CFAP57: variants seen among roughly 807,000 people sequenced by gnomAD.
CFAP57 encodes cilia and flagella associated protein 57.
CFAP57 carries 116 observed loss-of-function variants against 146.8 expected under a neutral mutation model. That is an observed-to-expected ratio of 0.79 (90% CI 0.68 to 0.92). CFAP57 has a LOEUF of 0.92. Ranked by LOEUF, CFAP57 falls within the 40% of genes least tolerant of loss-of-function variation. The probability of loss-of-function intolerance (pLI) is 0.00; values close to 1 mark genes in which losing one functional copy is unlikely to be tolerated. For missense variants in CFAP57, 1,377 were observed against 1,527.2 expected (o/e 0.90, Z 1.64); for synonymous variants, 518 against 552.8 (o/e 0.94, Z 0.88).
At chr1:43,204,039 G>A (rs1644248509) in intron 9 of CFAP57, among the ~76,000 whole-genome samples, 1 of 152,124 alleles carries the variant, frequency 6.6e-6, no homozygotes, top group Non-Finnish European at 1.5e-5. Flanking sequence ...CTTGATTAGT[G>A]TTTCTCTCTG....
chr1:43,209,830 G>T lies in CFAP57; in HGVS notation c.1843G>T (p.Val615Leu). The change falls in exon 11 of 23, where the codon GTG (valine) becomes TTG (leucine). Residue 615 changes from valine (V) to leucine (L), a missense_variant. Transcript: ENST00000372492. ...ACGCATGATGTTTGTGGGCACCTCG[G>T]TGGGAACCATTCGTGCCATGAAGTA... ...SGRMMFVGTSVGTIRAMKYPL... is the reference protein window; with the variant it reads ...SGRMMFVGTSLGTIRAMKYPL... 1 of 1,614,180 alleles carries T rather than the reference G, an allele frequency of 6.2e-7. No homozygotes were observed. Among genetic ancestry groups the T allele is most frequent in the Non-Finnish European group, 8.5e-7 (1 of 1,180,044 alleles).
In CFAP57 at chr1:43,186,838, G is replaced by A; in HGVS notation, c.1101G>A (p.Met367Ile). ...TSKNQLYSIT[M>I]SLTEISKGEP... ...AGAACCAACTCTACAGCATCACCAT[G>A]TCCCTGACAGAGATCAGCAAGGTGA... The change falls in exon 6 of 23, where the codon ATG becomes ATA. Residue 367 changes from methionine (M) to isoleucine (I), a missense_variant. Physicochemically the swap from Met to Ile is conservative, Grantham distance 10 (BLOSUM62 1). Coordinates refer to ENST00000372492, the MANE Select transcript of CFAP57 (RefSeq NM_001378189.1). 1.9e-6 allele frequency: 3 copies of A among 1,614,140 alleles called. No individual in the cohort carries two copies. Among genetic ancestry groups the A allele is most frequent in the Non-Finnish European group, 2.5e-6 (3 of 1,180,034 alleles).
chr1:43,232,545 C>A lies in CFAP57; in HGVS notation c.3047C>A (p.Thr1016Asn). 6.5e-7 allele frequency: 1 copy of A among 1,550,322 alleles called. No individual in the cohort carries two copies. The highest frequency in any genetic ancestry group is 8.7e-7 in the Non-Finnish European group (1 of 1,146,748). ...CTGGAGAATTTCCATAAGCAGAACA[C>A]TCAACTGGAGCTGAACATCACAGAA... Reference protein sequence around the residue: ...AELENFHKQNTQLELNITELW... With the variant: ...AELENFHKQNNQLELNITELW... Residue 1016 changes from threonine (T) to asparagine (N), a missense_variant, in exon 19 of 23, where the codon ACT becomes AAT. By Grantham distance (65) the Thr-to-Asn change is moderately conservative. Transcript: ENST00000372492.
Position 43,234,538 on chromosome 1 carries a change from C to T in CFAP57, c.3305C>T (p.Thr1102Ile). 1 of 1,550,338 alleles carries T rather than the reference C, an allele frequency of 6.5e-7. No individual in the cohort carries two copies. The highest frequency in any genetic ancestry group is 1.4e-5 in the African/African-American group (1 of 73,144). Residue 1102 changes from threonine to isoleucine, a missense_variant, in exon 21 of 23, where the codon ACC (threonine) becomes ATC (isoleucine). Transcript: ENST00000372492. ...AACACAGACCTGCAGCAGGAGTACA[C>T]CCGGCAGCGGGAGCACCTGGAGAGG... ...GLNTDLQQEY[T>I]RQREHLERNL...
rs371475523 is a variant in CFAP57, at chr1:43,219,955, A to AAAATAAATAAAT, written c.2247+430_2247+441dup. 2.2e-3 allele frequency among the ~76,000 whole-genome samples: 337 copies of AAAATAAATAAAT among 152,100 alleles called. 1 individual carries two copies. The highest frequency in any genetic ancestry group is 7.3e-3 in the African/African-American group (302 of 41,434). ...ACCTGGGCAACATAGACTCTGTCTA[A>AAAATAAATAAAT]AAATAAATAAATAAATAAATAAAAA... On this transcript the variant is annotated intron_variant, in intron 13 of 22. Transcript: ENST00000372492.
At chr1:43,232,759 TGCTCCCA>T (rs1268339238) in intron 19 of CFAP57, 135 bp downstream of exon 19, 5 of 592,408 alleles carry the variant, frequency 8.4e-6, no homozygotes, top group Non-Finnish European at 1.5e-5. Context: ...ATTCTTTACT[TGCTCCCA>T]GCCCTGCCTG....
At chr1:43,223,298 T>C (rs12131351) in intron 16 of CFAP57, among the ~76,000 whole-genome samples, 7,060 of 152,270 alleles carry the variant, frequency 0.046, 255 homozygotes, top group African/African-American at 0.1. Context: ...ATTCAGTTAA[T>C]GTTTTCTGAG....
chr1:43,177,250 G>A (rs1254240044), intron 2 of CFAP57: 7 of 455,706 alleles, frequency 1.5e-5, no homozygotes, highest in Admixed American at 4.7e-5. Flanking sequence ...AGAGGCAGGC[G>A]ACAGGGTGGT....
At position 43,217,655 on chromosome 1, in the gene CFAP57, G is replaced by A. The variant is rs140603731; in HGVS notation, c.2092-1727G>A. Among the ~76,000 whole-genome samples, 510 of 152,044 alleles carry A rather than the reference G, an allele frequency of 3.4e-3. 1 individual carries two copies. In the Middle Eastern group the frequency reaches 0.044, roughly 13 times the overall value. Reference sequence around the variant, plus strand: ...CTCTCCAACCTCTCCATTCCTCTCTGGTCCCCTTCCCTACCTCAGTCCAAA... The same window carrying A: ...CTCTCCAACCTCTCCATTCCTCTCTAGTCCCCTTCCCTACCTCAGTCCAAA... On this transcript the variant is annotated intron_variant, in intron 12 of 22. Coordinates refer to ENST00000372492, the MANE Select transcript of CFAP57 (RefSeq NM_001378189.1).
chr1:43,209,157 C>T (rs537078140), intron 10 of CFAP57, among the ~76,000 whole-genome samples: 1 of 152,304 alleles, frequency 6.6e-6, no homozygotes, highest in East Asian at 1.9e-4. Context: ...TCTGTGGTTT[C>T]AGGCACCACT....
chr1:43,230,961 T>A (rs1645442477), intron 18 of CFAP57, among the ~76,000 whole-genome samples: 1 of 152,184 alleles, frequency 6.6e-6, no homozygotes, highest in Non-Finnish European at 1.5e-5. Context: ...ATACCCACAC[T>A]CAATGTGTAT....
intron 7 of CFAP57, 124 bp from the exon 8 acceptor site, chr1:43,198,357 A>C (rs1643955589): frequency 9.1e-7 from 1 of 1,102,838 alleles, no homozygotes; most frequent in South Asian, 1.4e-5. Context: ...AAAAGAGAGG[A>C]ACCAACAATT....
At chr1:43,230,893 C>CT (rs1298676544) in intron 18 of CFAP57, among the ~76,000 whole-genome samples, 2 of 152,190 alleles carry the variant, frequency 1.3e-5, no homozygotes, top group African/African-American at 4.8e-5. Context: ...CCTTAGATCT[C>CT]TAAGTCTACA....
intron 2 of CFAP57, among the ~76,000 whole-genome samples, chr1:43,176,452 C>T (rs1645175643): frequency 6.6e-6 from 1 of 152,200 alleles, no homozygotes; most frequent in Admixed American, 6.5e-5. Flanking sequence ...TTTGATCTGG[C>T]TCCCCATTTT....
At position 43,234,303 on chromosome 1, in the gene CFAP57, A is replaced by G; in HGVS notation, c.3151A>G (p.Lys1051Glu). Residue 1051 changes from lysine (K) to glutamate (E), a missense_variant, in exon 20 of 23, where the codon AAA becomes GAA. Transcript: ENST00000372492. ...GGAGCGAGACTTGGAAGCGCTGGTC[A>G]AAAGGTTTAAAACAGACCTCCACAA... is the stretch of plus-strand genomic sequence containing the variant. ...QKERDLEALV[K>E]RFKTDLHNCV... is the part of the protein sequence containing the mutation. The G allele has an allele frequency of 6.5e-7, 1 of 1,548,558 alleles. No individual in the cohort carries two copies. The highest frequency in any genetic ancestry group is 2.4e-5 in the East Asian group (1 of 40,836).
intron 15 of CFAP57, among the ~76,000 whole-genome samples, 198 bp downstream of exon 15, chr1:43,222,493 A>C (rs1006321716): frequency 6.6e-6 from 1 of 152,230 alleles, no homozygotes; most frequent in Admixed American, 6.5e-5. Context: ...TATGACTGTC[A>C]CAAGTTCTGT....
chr1:43,188,869 A>G (rs1469712434), intron 6 of CFAP57, among the ~76,000 whole-genome samples: 1 of 152,228 alleles, frequency 6.6e-6, no homozygotes, highest in Non-Finnish European at 1.5e-5. Flanking sequence ...TATTTCTTCT[A>G]AGAGTTTCAT....
In CFAP57 at chr1:43,219,375, C is replaced by T; in HGVS notation, c.2092-7C>T. On this transcript the variant is annotated splice_polypyrimidine_tract_variant and splice_region_variant and intron_variant, in intron 12 of 22. Coordinates refer to ENST00000372492, the MANE Select transcript of CFAP57 (RefSeq NM_001378189.1). ...GTGTTCTTGATCCTTCTGTCCTTCT[C>T]CCAAAGGCTCAGGTTATGTTGGAGC... 6.5e-7 allele frequency: 1 copy of T among 1,547,872 alleles called. No individual in the cohort carries two copies. The highest frequency in any genetic ancestry group is 8.7e-7 in the Non-Finnish European group (1 of 1,145,316).
intron 10 of CFAP57, among the ~76,000 whole-genome samples, chr1:43,208,824 G>A (rs1053048096): frequency 6.7e-6 from 1 of 149,802 alleles, no homozygotes; most frequent in Non-Finnish European, 1.5e-5. Flanking sequence ...AAAAAAATAT[G>A]TGTGTAGGTG....
Sources: gnomAD v4.1 joint callset for allele counts (sites outside exome capture counted in the v4.1 genomes callset) on GRCh38, gnomAD v4.1.1 for gene constraint, MANE v1.5 for transcripts, NCBI Gene and HGNC (gene_info 2026-07-23, HGNC 2026-07-21) for gene names.